Variants in LONP2 observed in about 807,000 individuals in gnomAD.
LONP2 encodes lon peptidase 2, peroxisomal.
Under a neutral mutation model 85.6 loss-of-function variants are expected in LONP2, and 60 were observed. The observed-to-expected ratio is 0.70, with a 90% CI of 0.57 to 0.87. LONP2 has a LOEUF of 0.87. Ranked by LOEUF, LONP2 falls within the 40% of genes least tolerant of loss-of-function variation. The pLI, the probability that LONP2 is intolerant of heterozygous loss-of-function variation, is 0.00. For missense variants in LONP2, 860 were observed against 1,063.5 expected, an observed-to-expected ratio of 0.81 and a Z score of 2.66; for synonymous variants, 395 against 389.7, an observed-to-expected ratio of 1.01 and a Z score of -0.16.
intron 11 of LONP2, among the ~76,000 whole-genome samples, 154 bp from the exon 12 acceptor site, chr16:48,334,062 T>G (rs1959557823): frequency 6.6e-6 from 1 of 152,186 alleles, no homozygotes. Context: ...TCACCTGCAT[T>G]CCACAGATAC....
chr16:48,263,263 G>A (rs1971916318), intron 6 of LONP2, among the ~76,000 whole-genome samples: 2 of 152,124 alleles, frequency 1.3e-5, no homozygotes, highest in South Asian at 2.1e-4. Flanking sequence ...GTTAGCGATA[G>A]GCACTTTTCT....
chr16:48,247,179 T>C (rs1383586563), intron 1 of LONP2: 16 of 152,450 alleles, frequency 1.0e-4, no homozygotes, highest in East Asian at 5.8e-4. Flanking sequence ...GTTTCCAATG[T>C]CTTTTTTTCT....
rs944641392 is a variant in LONP2 at position 48,351,867 on chromosome 16, T to G, written c.*65T>G. ...GCTCAAAGGTACTGACACAGTTGAT[T>G]TTATTCACACCATTAGGGGTATGCA... On this transcript the variant is annotated 3_prime_UTR_variant, in exon 15 of 15. Coordinates refer to ENST00000285737, the MANE Select transcript of LONP2 (RefSeq NM_031490.5). 1 of 1,301,960 alleles carries G rather than the reference T, an allele frequency of 7.7e-7. No homozygotes were observed. The highest frequency in any genetic ancestry group is 1.5e-5 in the African/African-American group (1 of 68,190). 80.7% of individuals were successfully genotyped at this position (1,301,960 alleles called of 1,614,324 possible).
chr16:48,302,219 CCCTGTTTTCT>C, intron 10 of LONP2, among the ~76,000 whole-genome samples: 1 of 152,154 alleles, frequency 6.6e-6, no homozygotes, highest in South Asian at 2.1e-4. Context: ...TAAGATGCCT[CCCTGTTTTCT>C]CCCTTATTGA....
intron 11 of LONP2, among the ~76,000 whole-genome samples, chr16:48,310,902 T>G (rs1455163505): frequency 6.6e-6 from 1 of 152,220 alleles, no homozygotes; most frequent in Admixed American, 6.5e-5. Context: ...ACTTTATTTC[T>G]CCTTCATTTG....
At chr16:48,317,924 A>G (rs1038246537) in intron 11 of LONP2, among the ~76,000 whole-genome samples, 16 of 152,110 alleles carry the variant, frequency 1.1e-4, no homozygotes, top group Non-Finnish European at 2.4e-4. Flanking sequence ...GCATTTGGAG[A>G]TTTGTTGTTT....
chr16:48,334,588 G>C (rs980988399), intron 12 of LONP2: 4 of 661,292 alleles, frequency 6.0e-6, no homozygotes, highest in Admixed American at 2.2e-5. Context: ...TCTTGCAGTT[G>C]TATTTCTGGG....
At chr16:48,316,748 T>C (rs1212776859) in intron 11 of LONP2, among the ~76,000 whole-genome samples, 1 of 152,250 alleles carries the variant, frequency 6.6e-6, no homozygotes, top group Non-Finnish European at 1.5e-5. Context: ...TTTGAAAATC[T>C]CTACCTTAAC....
downstream of LONP2, among the ~76,000 whole-genome samples, chr16:48,359,914 C>A (rs1309597694): frequency 6.6e-6 from 1 of 152,208 alleles, no homozygotes; most frequent in Non-Finnish European, 1.5e-5. Context: ...ATAAAAACCA[C>A]ACAAAATTCT....
At chr16:48,275,765 A>T (rs1972195325) in intron 7 of LONP2, among the ~76,000 whole-genome samples, 1 of 152,086 alleles carries the variant, frequency 6.6e-6, no homozygotes, top group African/African-American at 2.4e-5. Flanking sequence ...AAAGCCTCGA[A>T]CTCCAGACAA....
chr16:48,252,304 C>T lies in LONP2; in HGVS notation c.407C>T (p.Thr136Ile). The T allele has an allele frequency of 1.2e-6, 2 of 1,613,688 alleles. No individual in the cohort carries two copies. Among genetic ancestry groups the T allele is most frequent in the Non-Finnish European group, 1.7e-6 (2 of 1,179,796 alleles). The change falls in exon 2 of 15, where the codon ACC (threonine) becomes ATC (isoleucine). Residue 136 changes from threonine to isoleucine, a missense_variant. Thr to Ile is a moderately conservative substitution (Grantham distance 89, BLOSUM62 -1). Transcript: ENST00000285737. ...QLDRLEEFPNTCKMREELGEL... is the reference protein window; with the variant it reads ...QLDRLEEFPNICKMREELGEL... ...GACCGACTTGAGGAGTTTCCCAACA[C>T]CTGTAAAATGAGGGAGGAGCTAGGA...
At chr16:48,323,923 A>G (rs1356643196) in intron 11 of LONP2, among the ~76,000 whole-genome samples, 1 of 152,210 alleles carries the variant, frequency 6.6e-6, no homozygotes, top group Non-Finnish European at 1.5e-5. Context: ...AAAATAAAAA[A>G]CATTGAAAAT....
At chr16:48,313,951 C>T (rs1257966038) in intron 11 of LONP2, among the ~76,000 whole-genome samples, 2 of 152,244 alleles carry the variant, frequency 1.3e-5, no homozygotes, top group African/African-American at 4.8e-5. Flanking sequence ...TTATTCTTCA[C>T]AACCTCGCCA....
intron 14 of LONP2, among the ~76,000 whole-genome samples, chr16:48,351,289 T>A (rs1960137342): frequency 6.6e-6 from 1 of 152,128 alleles, no homozygotes; most frequent in East Asian, 1.9e-4. Context: ...GAATGCCAAT[T>A]TACTTTGACA....
intron 9 of LONP2, among the ~76,000 whole-genome samples, chr16:48,298,332 T>G (rs998660688): frequency 6.6e-6 from 1 of 152,154 alleles, no homozygotes; most frequent in African/African-American, 2.4e-5. Context: ...CTTACGGGAT[T>G]TAGAGACAAA....
At position 48,252,271 on chromosome 16, in the gene LONP2, A is replaced by C; in HGVS notation, c.374A>C (p.Glu125Ala). Residue 125 changes from glutamate (E) to alanine (A), a missense_variant, in exon 2 of 15, where the codon GAG (glutamate) becomes GCG (alanine). This residue lies in a region of LONP2 where 743 missense variants were observed against 917.3 expected (regional missense o/e 0.81). Coordinates refer to ENST00000285737, the MANE Select transcript of LONP2 (RefSeq NM_031490.5). ...KEKPYPIAEV[E>A]QLDRLEEFPN... ...AAGCCATATCCCATTGCTGAAGTGG[A>C]GCAGTTGGACCGACTTGAGGAGTTT... The C allele has an allele frequency of 6.2e-7, 1 of 1,614,180 alleles. No individual in the cohort carries two copies. Among genetic ancestry groups the C allele is most frequent in the South Asian group, 1.1e-5 (1 of 91,082 alleles).
chr16:48,277,429 G>T lies in LONP2; in HGVS notation c.1333G>T (p.Asp445Tyr). 1 of 1,613,898 alleles carries T rather than the reference G, an allele frequency of 6.2e-7. No homozygotes were observed. The highest frequency in any genetic ancestry group is 1.3e-5 in the African/African-American group (1 of 75,008). The change falls in exon 8 of 15, where the codon GAC becomes TAC. Residue 445 changes from aspartate to tyrosine, a missense_variant. By Grantham distance (160) the Asp-to-Tyr change is radical. This residue lies in a region of LONP2 where 743 missense variants were observed against 917.3 expected (regional missense o/e 0.81). Transcript: ENST00000285737. Reference protein sequence around the residue: ...NNPVFLLDEVDKLGKSLQGDP... With the variant: ...NNPVFLLDEVYKLGKSLQGDP... ...CCCAGTGTTCCTATTAGATGAGGTT[G>T]ACAAACTGGGAAAAAGTCTACAGGG...
chr16:48,301,512 G>A (rs763191055), intron 10 of LONP2, among the ~76,000 whole-genome samples: 8 of 150,790 alleles, frequency 5.3e-5, no homozygotes, highest in Non-Finnish European at 8.9e-5. Context: ...GTGTGTGCCT[G>A]TAATCCCAGC....
intron 6 of LONP2, among the ~76,000 whole-genome samples, chr16:48,263,945 C>T (rs899964000): frequency 2.0e-5 from 3 of 151,974 alleles, no homozygotes; most frequent in Non-Finnish European, 4.4e-5. Flanking sequence ...TGGTAGGATC[C>T]GTGATGCCCC....
Sources: gnomAD v4.1 joint callset for allele counts (sites outside exome capture counted in the v4.1 genomes callset) on GRCh38, gnomAD v4.1.1 for gene constraint, gnomAD v4.1.1 regional missense constraint, MANE v1.5 for transcripts, NCBI Gene and HGNC (gene_info 2026-07-23, HGNC 2026-07-21) for gene names.